Variants in PRKCH observed in about 807,000 individuals in gnomAD.
PRKCH encodes protein kinase C eta, also known as protein kinase C eta type.
Under a neutral mutation model 82.5 loss-of-function variants are expected in PRKCH, and 28 were observed. The observed-to-expected ratio is 0.34, with a 90% CI of 0.25 to 0.47. The LOEUF (loss-of-function observed/expected upper bound fraction) is 0.47, where lower values mean the gene tolerates loss of function less well. Among genes scored for constraint, PRKCH ranks in the 20% least tolerant of loss-of-function variants. PRKCH has a pLI of 1.00. For missense variants in PRKCH, 705 were observed against 881.8 expected, an observed-to-expected ratio of 0.80 and a Z score of 2.54; for synonymous variants, 322 against 327.4, an observed-to-expected ratio of 0.98 and a Z score of 0.18.
intron 1 of PRKCH, among the ~76,000 whole-genome samples, chr14:61,342,937 G>A (rs757717413): frequency 2.0e-5 from 3 of 152,298 alleles, no homozygotes; most frequent in East Asian, 1.9e-4. Context: ...GAACTGTGTC[G>A]CCTCATTCTC....
chr14:61,421,401 G>C (rs1181322553), intron 2 of PRKCH, among the ~76,000 whole-genome samples: 1 of 152,050 alleles, frequency 6.6e-6, no homozygotes, highest in African/African-American at 2.4e-5. Flanking sequence ...GCATACTCTT[G>C]CATAATCATC....
chr14:61,465,759 G>T (rs1477791012), intron 9 of PRKCH, among the ~76,000 whole-genome samples: 1 of 152,104 alleles, frequency 6.6e-6, no homozygotes, highest in Non-Finnish European at 1.5e-5. Flanking sequence ...AGCAATGGGG[G>T]TACACTTCAA....
intron 1 of PRKCH, among the ~76,000 whole-genome samples, chr14:61,246,982 C>T (rs1019545490): frequency 5.9e-5 from 9 of 152,160 alleles, no homozygotes; most frequent in South Asian, 4.2e-4. Context: ...ATTTGAGAAA[C>T]AGCTCAGGGT....
chr14:61,266,982 C>T (rs1252131000), intron 1 of PRKCH, among the ~76,000 whole-genome samples: 1 of 152,054 alleles, frequency 6.6e-6, no homozygotes, highest in Non-Finnish European at 1.5e-5. Flanking sequence ...TTCAACCACG[C>T]CAAGTCTAAA....
intron 1 of PRKCH, among the ~76,000 whole-genome samples, chr14:61,290,689 G>A (rs2045353437): frequency 6.6e-6 from 1 of 152,178 alleles, no homozygotes; most frequent in Non-Finnish European, 1.5e-5. Flanking sequence ...AAAGAAATGG[G>A]TGCATTGCTG....
At chr14:61,391,385 G>A (rs555698093) in intron 2 of PRKCH, 97 bp downstream of exon 2, 3 of 1,057,608 alleles carry the variant, frequency 2.8e-6, no homozygotes, top group East Asian at 2.8e-5. Context: ...AGAGCATGTT[G>A]TAAGAGATGC....
chr14:61,278,655 A>G (rs1288829863), intron 1 of PRKCH: 2 of 152,238 alleles, frequency 1.3e-5, no homozygotes, highest in East Asian at 3.8e-4. Context: ...TTTACCAAAT[A>G]AACTGGTAAG....
At position 61,511,473 on chromosome 14, in the gene PRKCH, C is replaced by T. The variant is rs185604920; in HGVS notation, c.1434-17602C>T. Among the ~76,000 whole-genome samples, 580 of 152,290 alleles carry T rather than the reference C, an allele frequency of 3.8e-3. 3 individuals carry two copies. Among genetic ancestry groups the T allele is most frequent in the Non-Finnish European group, 6.7e-3 (456 of 68,028 alleles). ...CCCACCCAGAACTGCCAGAGCCTCT[C>T]GGATGGCTCAAGTCCTCACCTCTGA... On this transcript the variant is annotated intron_variant, in intron 10 of 13. Transcript: ENST00000332981.
intron 6 of PRKCH, among the ~76,000 whole-genome samples, chr14:61,451,961 C>T (rs1884529283): frequency 6.6e-6 from 1 of 152,194 alleles, no homozygotes. Flanking sequence ...TCATGGATAA[C>T]TTGTAGGGCG....
chr14:61,516,490 G>C (rs1211195440), intron 10 of PRKCH, among the ~76,000 whole-genome samples: 1 of 152,150 alleles, frequency 6.6e-6, no homozygotes, highest in Non-Finnish European at 1.5e-5. Context: ...TATTAAGAAT[G>C]CTATGACACA....
chr14:61,227,935 T>C (rs1264553571), intron 1 of PRKCH, among the ~76,000 whole-genome samples: 1 of 152,226 alleles, frequency 6.6e-6, no homozygotes, highest in Non-Finnish European at 1.5e-5. Context: ...AATTTGCTTC[T>C]ACCCTAAGTG....
chr14:61,485,060 T>C (rs1178605237), intron 9 of PRKCH, among the ~76,000 whole-genome samples: 2 of 151,980 alleles, frequency 1.3e-5, no homozygotes, highest in Non-Finnish European at 2.9e-5. Flanking sequence ...AAAGGGGTGT[T>C]CTTTTTCTGT....
chr14:61,436,061 C>G (rs1046080202), intron 2 of PRKCH, among the ~76,000 whole-genome samples: 1 of 152,054 alleles, frequency 6.6e-6, no homozygotes, highest in Admixed American at 6.6e-5. Flanking sequence ...GACTCTCCTC[C>G]CATCCTGATG....
At chr14:61,385,475 G>A (rs1365514197) in intron 1 of PRKCH, among the ~76,000 whole-genome samples, 1 of 151,440 alleles carries the variant, frequency 6.6e-6, no homozygotes, top group Non-Finnish European at 1.5e-5. Flanking sequence ...AGATGCAGAG[G>A]TTTTAGTTCA....
chr14:61,200,403 GTGTGTGTT>G (rs990268984), intron 1 of PRKCH, among the ~76,000 whole-genome samples: 2 of 151,806 alleles, frequency 1.3e-5, no homozygotes, highest in African/African-American at 4.9e-5. Context: ...GTGTGTGTGT[GTGTGTGTT>G]TGTGTGTTAC....
upstream of PRKCH, among the ~76,000 whole-genome samples, chr14:61,320,602 A>AATAAC (rs1555375325): frequency 6.6e-6 from 1 of 151,402 alleles, no homozygotes; most frequent in Non-Finnish European, 1.5e-5. Flanking sequence ...TCCGTCTCAA[A>AATAAC]AACAACAACA....
chr14:61,516,364 C>T (rs981170181), intron 10 of PRKCH, among the ~76,000 whole-genome samples: 1 of 152,124 alleles, frequency 6.6e-6, no homozygotes, highest in Non-Finnish European at 1.5e-5. Context: ...ACTTTTTAAA[C>T]TAAAAGTAAC....
chr14:61,457,827 C>T, intron 9 of PRKCH, 148 bp downstream of exon 9: 1 of 1,066,214 alleles, frequency 9.4e-7, no homozygotes, highest in Non-Finnish European at 1.4e-6. Flanking sequence ...TTGGTGACTT[C>T]TGCCAACCTC....
At chr14:61,271,850 G>A (rs1022642611) in intron 1 of PRKCH, among the ~76,000 whole-genome samples, 4 of 152,220 alleles carry the variant, frequency 2.6e-5, no homozygotes, top group Admixed American at 6.5e-5. Context: ...CCAACCAGCT[G>A]CATAACACTG....
Sources: gnomAD v4.1 joint callset for allele counts (sites outside exome capture counted in the v4.1 genomes callset) on GRCh38, gnomAD v4.1.1 for gene constraint, MANE v1.5 for transcripts, NCBI Gene and HGNC (gene_info 2026-07-23, HGNC 2026-07-21) for gene names.